Variants in WDR86 observed in about 807,000 individuals in gnomAD.
WDR86 encodes the protein WD repeat domain 86.
WDR86 carries 30 observed loss-of-function variants against 36.5 expected under a neutral mutation model. The observed-to-expected ratio is 0.82, with a 90% CI of 0.61 to 1.11. The LOEUF is 1.11. WDR86 is among the 50% of genes most tolerant of loss of function. The probability of loss-of-function intolerance (pLI) is 0.00; values close to 1 mark genes in which losing one functional copy is unlikely to be tolerated. For synonymous variants in WDR86, 255 were observed against 252.9 expected (o/e 1.01, Z -0.08); for missense variants, 545 against 561.2 (o/e 0.97, Z 0.29).
chr7:151,395,650 G>T, intron 3 of WDR86, 126 bp downstream of exon 3: 2 of 1,207,034 alleles, frequency 1.7e-6, no homozygotes, highest in Non-Finnish European at 1.1e-6. Context: ...CCTCCGTGGC[G>T]CTTGCCAGGC....
In WDR86 at chr7:151,406,256, C is replaced by T. The variant is rs767897816; in HGVS notation, c.163+3171G>A. On this transcript the variant is annotated intron_variant, in intron 1 of 5. Coordinates refer to ENST00000334493, the MANE Select transcript of WDR86 (RefSeq NM_198285.3). The surrounding 1 kb of genome is among the most constrained non-coding windows in gnomAD (Gnocchi z 4.4). ...CAGCACCTCACCCACCAACCCCGCA[C>T]GCCACAGGGAACGGCCTTCACTCTT... is the stretch of plus-strand genomic sequence containing the variant. Among the ~76,000 whole-genome samples, 21 of 152,282 alleles carry T rather than the reference C, an allele frequency of 1.4e-4. No individual in the cohort carries two copies. The highest frequency in any genetic ancestry group is 2.5e-4 in the Non-Finnish European group (17 of 68,028).
chr7:151,393,117 C>T (rs1265422681), intron 3 of WDR86, among the ~76,000 whole-genome samples: 1 of 152,224 alleles, frequency 6.6e-6, no homozygotes, highest in Non-Finnish European at 1.5e-5. Context: ...CCCGGGTGCT[C>T]TCTCTTCATA....
chr7:151,410,397 G>A (rs1801127295), upstream of WDR86: 1 of 152,328 alleles, frequency 6.6e-6, no homozygotes, highest in Admixed American at 6.5e-5. Context: ...CCCATGCTCT[G>A]AGCCCTAAGG....
At chr7:151,369,100 C>G in the WDR86 span, 2 of 398,270 alleles carry the variant, frequency 5.0e-6, no homozygotes, top group Non-Finnish European at 4.4e-6. Flanking sequence ...CTCCGCCTCC[C>G]GGGTTCAAGC....
At chr7:151,376,857 C>T (rs1263453561), downstream of WDR86, 3 of 1,528,900 alleles carry the variant, frequency 2.0e-6, no homozygotes, top group Admixed American at 2.0e-5. Flanking sequence ...AAAGTGTCTT[C>T]AGAAGCCAAC....
intron 3 of WDR86, among the ~76,000 whole-genome samples, chr7:151,392,940 C>G (rs903012289): frequency 6.6e-6 from 1 of 152,212 alleles, no homozygotes; most frequent in African/African-American, 2.4e-5. Flanking sequence ...ACCCCACCCC[C>G]CTGCTAGGAC....
chr7:151,400,431 G>C (rs1800201996), intron 1 of WDR86, among the ~76,000 whole-genome samples, 190 bp from the exon 2 acceptor site: 1 of 152,164 alleles, frequency 6.6e-6, no homozygotes, highest in African/African-American at 2.4e-5. Context: ...CACAAGGCTG[G>C]AGTACAGTGG....
intron 2 of WDR86, among the ~76,000 whole-genome samples, chr7:151,398,510 ATG>A (rs556811057): frequency 6.7e-6 from 1 of 149,132 alleles, no homozygotes; most frequent in African/African-American, 2.5e-5. Flanking sequence ...GCACGTGTGT[ATG>A]TGTAAGTTTG....
Position 151,409,382 on chromosome 7 carries a change from G to A in WDR86, c.163+45C>T. On this transcript the variant is annotated intron_variant, in intron 1 of 5. Coordinates refer to ENST00000334493, the MANE Select transcript of WDR86 (RefSeq NM_198285.3). This position sits in a 1 kb window ranked among gnomAD's most constrained non-coding sequence, Gnocchi z 5.2. The stretch of plus-strand genomic sequence containing the variant: ...GAGCTGGGGTCCGCGGTCTGGGGCC[G>A]GTGAGCTGCGGCGAAGAGGTCAGGG... 1 of 1,549,266 alleles carries A rather than the reference G, an allele frequency of 6.5e-7. No individual in the cohort carries two copies. Among genetic ancestry groups the A allele is most frequent in the Non-Finnish European group, 8.7e-7 (1 of 1,147,398 alleles).
intron 3 of WDR86, among the ~76,000 whole-genome samples, chr7:151,395,091 C>T (rs1016867573): frequency 2.6e-5 from 4 of 152,228 alleles, no homozygotes; most frequent in East Asian, 3.8e-4. Flanking sequence ...ACGTCCCACA[C>T]GGCCACACCA....
chr7:151,376,611 G>A (rs745903814), downstream of WDR86: 4 of 1,581,140 alleles, frequency 2.5e-6, no homozygotes, highest in South Asian at 4.5e-5. Context: ...GGCTGATGCT[G>A]TGACCCCTGC....
intron 3 of WDR86, 142 bp downstream of exon 3, chr7:151,395,634 G>T: frequency 2.9e-6 from 3 of 1,038,056 alleles, no homozygotes; most frequent in Non-Finnish European, 4.1e-6. Context: ...CCCCAGGACC[G>T]CAAGGCCTCC....
chr7:151,404,271 T>C (rs765441274), intron 1 of WDR86, among the ~76,000 whole-genome samples: 119 of 151,798 alleles, frequency 7.8e-4, no homozygotes, highest in Non-Finnish European at 1.5e-3. Flanking sequence ...GCTGCCCTGA[T>C]GCCCTCTGCC....
At chr7:151,383,640 TAC>T (rs1331588328) in intron 4 of WDR86, among the ~76,000 whole-genome samples, 1 of 152,210 alleles carries the variant, frequency 6.6e-6, no homozygotes, top group Non-Finnish European at 1.5e-5. Context: ...TTGTTAAAAC[TAC>T]AGAGTGAATG....
chr7:151,385,067 G>C, intron 4 of WDR86, 21 bp downstream of exon 4: 1 of 1,576,848 alleles, frequency 6.3e-7, no homozygotes, highest in Non-Finnish European at 8.6e-7. Flanking sequence ...GGCACAGGTC[G>C]TGCAGGGCCA....
At position 151,401,141 on chromosome 7, in the gene WDR86, T is replaced by C. The variant is rs1358686153; in HGVS notation, c.164-900A>G. On this transcript the variant is annotated intron_variant, in intron 1 of 5. Coordinates refer to ENST00000334493, the MANE Select transcript of WDR86 (RefSeq NM_198285.3). This position sits in a 1 kb window ranked among gnomAD's most constrained non-coding sequence, Gnocchi z 4.3. ...GATCCTCCCTCCAGCCGGTCTTTGC[T>C]CTCTCATCCTCACAGGCAGCCTACC... Among the ~76,000 whole-genome samples the C allele has an allele frequency of 6.6e-6, 1 of 152,110 alleles. No homozygotes were observed. The highest frequency in any genetic ancestry group is 1.5e-5 in the Non-Finnish European group (1 of 68,012).
In WDR86 at chr7:151,395,494, G is replaced by GACACAC. The variant is rs57122668; in HGVS notation, c.726+276_726+281dup. ...TGGTGTCCTTCTAAGAAGAGATTAG[G>GACACAC]ACACACACACACACACACACACACA... is the stretch of plus-strand genomic sequence containing the variant. On this transcript the variant is annotated intron_variant, in intron 3 of 5. Coordinates refer to ENST00000334493, the MANE Select transcript of WDR86 (RefSeq NM_198285.3). 4.5e-3 allele frequency among the ~76,000 whole-genome samples: 664 copies of GACACAC among 147,132 alleles called. 1 individual carries two copies. Among genetic ancestry groups the GACACAC allele is most frequent in the Middle Eastern group, 0.014 (4 of 278 alleles).
chr7:151,377,008 C>G (rs753961182), downstream of WDR86: 9 of 1,488,936 alleles, frequency 6.0e-6, no homozygotes, highest in Admixed American at 1.9e-4. Flanking sequence ...CAGGACAATC[C>G]TCACATAATT....
downstream of WDR86, chr7:151,373,989 G>C: frequency 1.6e-6 from 2 of 1,270,798 alleles, no homozygotes; most frequent in East Asian, 2.5e-5. Context: ...GCTTTGCTTT[G>C]GTTTTTTGGC....
Sources: allele counts gnomAD v4.1 joint callset (sites outside exome capture counted in the v4.1 genomes callset), GRCh38; gene constraint gnomAD v4.1.1; non-coding constraint Gnocchi (gnomAD v3.1); transcripts MANE v1.5; gene names NCBI Gene and HGNC (gene_info 2026-07-23, HGNC 2026-07-21).